The following DDX10 variants were observed in gnomAD, a reference collection of about 807,000 sequenced individuals.
DDX10 encodes the protein DEAD-box helicase 10.
Under a neutral mutation model 104.3 loss-of-function variants are expected in DDX10, and 74 were observed. The ratio of observed to expected loss-of-function variants is 0.71; its 90% CI spans 0.59 to 0.86. The LOEUF is 0.86. Ranked by LOEUF, DDX10 falls within the 40% of genes least tolerant of loss-of-function variation. DDX10 has a pLI of 0.00. For missense variants in DDX10, 952 were observed against 1,040.0 expected (o/e 0.92, Z 1.16); for synonymous variants, 351 against 353.4 (o/e 0.99, Z 0.08).
chr11:108,758,358 G>C (rs1474432719), intron 13 of DDX10, among the ~76,000 whole-genome samples: 4 of 152,056 alleles, frequency 2.6e-5, no homozygotes, highest in South Asian at 4.1e-4. Context: ...AAACTTAGCA[G>C]TAAAACTTCT....
chr11:108,812,393 GAATTTTTTTTA>G (rs1002221621), intron 13 of DDX10, among the ~76,000 whole-genome samples: 1 of 151,956 alleles, frequency 6.6e-6, no homozygotes, highest in African/African-American at 2.4e-5. Flanking sequence ...TTTTCGTTCT[GAATTTTTTTTA>G]ATGGTATTAT....
chr11:108,853,551 A>G (rs987503327), intron 16 of DDX10, among the ~76,000 whole-genome samples: 6 of 150,626 alleles, frequency 4.0e-5, no homozygotes, highest in African/African-American at 1.2e-4. Context: ...TTTTTTTTTC[A>G]TAATGGTTTA....
intron 13 of DDX10, among the ~76,000 whole-genome samples, chr11:108,768,389 T>C (rs2094358874): frequency 6.6e-6 from 1 of 152,202 alleles, no homozygotes; most frequent in Non-Finnish European, 1.5e-5. Context: ...TTTTCTCTTG[T>C]TTATTAGTTG....
At chr11:108,907,965 G>T (rs1020815131) in intron 16 of DDX10, among the ~76,000 whole-genome samples, 1 of 152,130 alleles carries the variant, frequency 6.6e-6, no homozygotes, top group Non-Finnish European at 1.5e-5. Flanking sequence ...TTAACATCAT[G>T]GTGTGGGAAC....
At chr11:108,844,877 C>G (rs1432037396) in intron 15 of DDX10, among the ~76,000 whole-genome samples, 2 of 152,068 alleles carry the variant, frequency 1.3e-5, no homozygotes, top group Non-Finnish European at 2.9e-5. Context: ...CCTGACAAGT[C>G]AGGTTGCTTG....
intron 16 of DDX10, among the ~76,000 whole-genome samples, chr11:108,859,628 C>A (rs1250222615): frequency 6.6e-6 from 1 of 152,128 alleles, no homozygotes; most frequent in African/African-American, 2.4e-5. Context: ...GTTGATTCAG[C>A]TTAGGTGAAG....
chr11:108,864,867 C>T (rs1437038098), intron 16 of DDX10, among the ~76,000 whole-genome samples: 2 of 152,088 alleles, frequency 1.3e-5, no homozygotes, highest in Non-Finnish European at 2.9e-5. Context: ...AAATGTAAGC[C>T]CAGTCTCTTA....
At chr11:108,929,958 C>T (rs575894697) in intron 17 of DDX10, among the ~76,000 whole-genome samples, 18 of 152,226 alleles carry the variant, frequency 1.2e-4, no homozygotes, top group African/African-American at 3.9e-4. Context: ...TAACATCTTG[C>T]ATTAGTGTGG....
chr11:108,894,343 C>T (rs1331484565), intron 16 of DDX10, among the ~76,000 whole-genome samples: 5 of 151,972 alleles, frequency 3.3e-5, no homozygotes, highest in African/African-American at 4.8e-5. Context: ...GTTACTAAAA[C>T]GTTCATCCTT....
intron 13 of DDX10, among the ~76,000 whole-genome samples, chr11:108,724,673 A>G (rs1296604454): frequency 6.6e-6 from 1 of 152,108 alleles, no homozygotes; most frequent in Non-Finnish European, 1.5e-5. Context: ...TATTATGTAT[A>G]TCACTTTCTA....
rs950600223 is a variant in DDX10, at chr11:108,779,619, G to A, written c.1965+56157G>A. 5.3e-5 allele frequency among the ~76,000 whole-genome samples: 8 copies of A among 152,198 alleles called. No homozygotes were observed. In the South Asian group the frequency reaches 8.3e-4, roughly 16 times the overall value. On this transcript the variant is annotated intron_variant, in intron 13 of 17. Coordinates refer to ENST00000322536, the MANE Select transcript of DDX10 (RefSeq NM_004398.4). Reference sequence around the variant, plus strand: ...ACCAACGTGGCACATGTATACATATGTAACAAACCTGCACGTTGTGCACAT... The same window carrying A: ...ACCAACGTGGCACATGTATACATATATAACAAACCTGCACGTTGTGCACAT...
chr11:108,763,465 T>G (rs1315831834), intron 13 of DDX10, among the ~76,000 whole-genome samples: 1 of 152,064 alleles, frequency 6.6e-6, no homozygotes, highest in Non-Finnish European at 1.5e-5. Context: ...AATTACCAGG[T>G]AGGAGATCTG....
intron 16 of DDX10, among the ~76,000 whole-genome samples, chr11:108,896,567 TA>T (rs1312766327): frequency 2.0e-5 from 3 of 152,204 alleles, no homozygotes; most frequent in Non-Finnish European, 4.4e-5. Context: ...TACTGTATTA[TA>T]AAACAATCTA....
intron 16 of DDX10, among the ~76,000 whole-genome samples, chr11:108,864,437 TAGA>T (rs1476109268): frequency 7.9e-5 from 12 of 151,228 alleles, no homozygotes; most frequent in African/African-American, 2.7e-4. Flanking sequence ...ATAGAATAGA[TAGA>T]ATAAACTTTA....
At chr11:108,774,540 A>G (rs1222579533) in intron 13 of DDX10, among the ~76,000 whole-genome samples, 2 of 152,158 alleles carry the variant, frequency 1.3e-5, no homozygotes, top group African/African-American at 2.4e-5. Flanking sequence ...TTTGAAACAT[A>G]CCTGAGGTAT....
chr11:108,687,397 C>T (rs1040261343), intron 6 of DDX10, among the ~76,000 whole-genome samples: 3 of 152,190 alleles, frequency 2.0e-5, no homozygotes, highest in Non-Finnish European at 2.9e-5. Context: ...CAGCCTCGAA[C>T]TCCCTAGCCT....
chr11:108,701,134 T>C (rs933202253), intron 9 of DDX10, among the ~76,000 whole-genome samples: 1 of 152,282 alleles, frequency 6.6e-6, no homozygotes. Flanking sequence ...CTGTTCTTTT[T>C]TCCTTTTTTA....
intron 13 of DDX10, among the ~76,000 whole-genome samples, chr11:108,816,507 TGCCCTAA>T (rs1862257188): frequency 1.3e-5 from 2 of 151,986 alleles, no homozygotes; most frequent in African/African-American, 2.4e-5. Flanking sequence ...GTTCACTTAC[TGCCCTAA>T]TTCAAACCCT....
chr11:108,799,978 G>T (rs1861996512), intron 13 of DDX10, among the ~76,000 whole-genome samples: 1 of 151,984 alleles, frequency 6.6e-6, no homozygotes, highest in Non-Finnish European at 1.5e-5. Context: ...AAGCGCAGTG[G>T]CACCATCATA....
Sources: gnomAD v4.1 joint callset for allele counts (sites outside exome capture counted in the v4.1 genomes callset) on GRCh38, gnomAD v4.1.1 for gene constraint, MANE v1.5 for transcripts, NCBI Gene and HGNC (gene_info 2026-07-23, HGNC 2026-07-21) for gene names.